The following PID1 variants were observed in gnomAD, a reference collection of about 807,000 sequenced individuals.
PID1 encodes the protein PTB-containing, cubilin and LRP1-interacting protein.
A neutral mutation model predicts 19.1 loss-of-function variants in PID1; 10 were observed. The ratio of observed to expected loss-of-function variants is 0.52; its 90% CI spans 0.32 to 0.89. PID1 has a LOEUF of 0.89. Among genes scored for constraint, PID1 ranks in the 40% least tolerant of loss-of-function variants. PID1 has a pLI of 0.03. For missense variants in PID1, 248 were observed against 285.3 expected (o/e 0.87, Z 0.94); for synonymous variants, 130 against 116.0 (o/e 1.12, Z -0.78).
chr2:229,148,549 CT>C (rs2106188325), intron 2 of PID1, among the ~76,000 whole-genome samples: 1 of 152,250 alleles, frequency 6.6e-6, no homozygotes, highest in Non-Finnish European at 1.5e-5. Context: ...CAAAATATTC[CT>C]TTTCCATTGA....
intron 2 of PID1, among the ~76,000 whole-genome samples, chr2:229,061,113 G>A (rs1694204395): frequency 6.6e-6 from 1 of 151,866 alleles, no homozygotes; most frequent in Non-Finnish European, 1.5e-5. Context: ...CCATATTGAT[G>A]CAATCTTATT....
intron 2 of PID1, among the ~76,000 whole-genome samples, chr2:229,123,229 A>C (rs1695558097): frequency 6.6e-6 from 1 of 152,136 alleles, no homozygotes; most frequent in African/African-American, 2.4e-5. Context: ...CTGTCTCTAC[A>C]GATTTACCTA....
intron 2 of PID1, among the ~76,000 whole-genome samples, chr2:229,101,252 C>T (rs1294427151): frequency 6.6e-6 from 1 of 152,078 alleles, no homozygotes; most frequent in Non-Finnish European, 1.5e-5. Flanking sequence ...TACCAGGGTA[C>T]ATGTGTAGGA....
intron 1 of PID1, among the ~76,000 whole-genome samples, chr2:229,203,871 G>A (rs1691550477): frequency 6.6e-6 from 1 of 152,018 alleles, no homozygotes; most frequent in Admixed American, 6.6e-5. Flanking sequence ...TCATTTTAAT[G>A]AGTCTCTGCT....
rs2106159254 is a variant in PID1, at chr2:229,122,235, G to A, written c.177+33583C>T. Among the ~76,000 whole-genome samples the A allele has an allele frequency of 3.9e-5, 6 of 152,248 alleles. 1 individual carries two copies. The South Asian group carries it at 1.2e-3, about 32-fold the overall frequency. ...CTTTTGTAAAAAGTGGCAGAAAGAT[G>A]GTTTTTACACCATTAACAATAGATT... On this transcript the variant is annotated intron_variant, in intron 2 of 2. Coordinates refer to ENST00000392055, the MANE Select transcript of PID1 (RefSeq NM_001100818.2).
intron 2 of PID1, among the ~76,000 whole-genome samples, chr2:229,033,278 T>C (rs554332340): frequency 3.3e-5 from 5 of 152,298 alleles, no homozygotes; most frequent in Non-Finnish European, 7.4e-5. Flanking sequence ...TTCCTGGAGT[T>C]CTTCGACTTT....
intron 2 of PID1, among the ~76,000 whole-genome samples, chr2:229,076,019 G>T: frequency 6.6e-6 from 1 of 152,116 alleles, no homozygotes; most frequent in Non-Finnish European, 1.5e-5. Context: ...GGTTGTCTAT[G>T]CCATACCATT....
intron 2 of PID1, among the ~76,000 whole-genome samples, chr2:229,049,127 C>A (rs1693940578): frequency 6.6e-6 from 1 of 152,094 alleles, no homozygotes; most frequent in South Asian, 2.1e-4. Context: ...ATTTTCCCAT[C>A]TTTCTTTCCA....
At chr2:229,198,953 G>C (rs1691434299) in intron 1 of PID1, among the ~76,000 whole-genome samples, 1 of 151,986 alleles carries the variant, frequency 6.6e-6, no homozygotes, top group Admixed American at 6.6e-5. Flanking sequence ...TCCACTACCA[G>C]CTTCCCATCA....
At chr2:229,139,115 G>GAAAGAAAGAAAGAGAA (rs1210728895) in intron 2 of PID1, among the ~76,000 whole-genome samples, 40 of 48,030 alleles carry the variant, frequency 8.3e-4, no homozygotes, top group East Asian at 1.5e-3. Flanking sequence ...AAGAAAGAAA[G>GAAAGAAAGAAAGAGAA]AGAAAGAAAG....
intron 2 of PID1, among the ~76,000 whole-genome samples, chr2:229,067,147 C>T (rs1036554715): frequency 6.6e-6 from 1 of 151,918 alleles, no homozygotes; most frequent in African/African-American, 2.4e-5. Context: ...AGGGGAAAAT[C>T]CCCTTACAAA....
chr2:229,156,810 G>A (rs1340486987), intron 1 of PID1, among the ~76,000 whole-genome samples: 1 of 152,028 alleles, frequency 6.6e-6, no homozygotes, highest in Non-Finnish European at 1.5e-5. Context: ...GACCACACAT[G>A]ATTCAAGGAC....
Position 229,262,636 on chromosome 2 carries a change from TA to T in PID1, c.30+8377del, listed in dbSNP as rs768636571. Reference sequence around the variant, plus strand: ...AGCTACCTAGGGCTGTTGTAACAAATAACCATAAACTGGGTAGCTTAAAACA... The same window carrying T: ...AGCTACCTAGGGCTGTTGTAACAAATACCATAAACTGGGTAGCTTAAAACA... On this transcript the variant is annotated intron_variant, in intron 1 of 2. Coordinates refer to ENST00000392055, the MANE Select transcript of PID1 (RefSeq NM_001100818.2). 2,097 of 1,542,498 alleles carry T rather than the reference TA, an allele frequency of 1.4e-3. 1 individual carries two copies. The highest frequency in any genetic ancestry group is 1.7e-3 in the South Asian group (137 of 82,684).
At chr2:229,061,984 T>G (rs1474679826) in intron 2 of PID1, among the ~76,000 whole-genome samples, 2 of 152,000 alleles carry the variant, frequency 1.3e-5, no homozygotes, top group Admixed American at 6.6e-5. Flanking sequence ...TGTAACAGTT[T>G]TTTTTGGTGG....
chr2:229,170,263 A>G (rs1690684619), intron 1 of PID1, among the ~76,000 whole-genome samples: 1 of 152,170 alleles, frequency 6.6e-6, no homozygotes, highest in Admixed American at 6.5e-5. Context: ...TGTGAAAGAT[A>G]TCTTTCTCAT....
chr2:229,096,695 C>T (rs1216304846), intron 2 of PID1, among the ~76,000 whole-genome samples: 1 of 152,184 alleles, frequency 6.6e-6, no homozygotes, highest in Non-Finnish European at 1.5e-5. Flanking sequence ...CCTACATACT[C>T]AGAGCTTTCA....
chr2:229,183,548 A>T (rs1031702937), intron 1 of PID1, among the ~76,000 whole-genome samples: 6 of 152,156 alleles, frequency 3.9e-5, no homozygotes, highest in Non-Finnish European at 7.4e-5. Context: ...TGAAGGCCTA[A>T]ATAAAACCAA....
intron 2 of PID1, among the ~76,000 whole-genome samples, chr2:229,066,966 A>G (rs1441861983): frequency 6.6e-6 from 1 of 152,156 alleles, no homozygotes; most frequent in African/African-American, 2.4e-5. Flanking sequence ...GACTGTTCTC[A>G]CACTGCTATG....
chr2:229,039,937 G>A (rs973258259), intron 2 of PID1, among the ~76,000 whole-genome samples: 1 of 152,024 alleles, frequency 6.6e-6, no homozygotes, highest in African/African-American at 2.4e-5. Context: ...CATAATCACA[G>A]TTTATCCAAT....
Sources: allele counts gnomAD v4.1 joint callset (sites outside exome capture counted in the v4.1 genomes callset), GRCh38; gene constraint gnomAD v4.1.1; transcripts MANE v1.5; gene names NCBI Gene and HGNC (gene_info 2026-07-23, HGNC 2026-07-21).